CTNNA3: variants seen among roughly 807,000 people sequenced by gnomAD.
The protein encoded by CTNNA3 is catenin alpha 3.
A neutral mutation model predicts 95.7 loss-of-function variants in CTNNA3; 76 were observed. The ratio of observed to expected loss-of-function variants is 0.79; its 90% CI spans 0.66 to 0.96. The LOEUF (loss-of-function observed/expected upper bound fraction) is 0.96, where lower values mean the gene tolerates loss of function less well. CTNNA3 is among the 40% of genes least tolerant of loss of function. CTNNA3 has a pLI of 0.00. For missense variants in CTNNA3, 1,191 were observed against 1,089.8 expected, an observed-to-expected ratio of 1.09 and a Z score of -1.31; for synonymous variants, 431 against 374.4, an observed-to-expected ratio of 1.15 and a Z score of -1.74.
intron 7 of CTNNA3, among the ~76,000 whole-genome samples, chr10:67,052,393 C>T (rs1855166463): frequency 6.7e-6 from 1 of 150,118 alleles, no homozygotes; most frequent in South Asian, 2.1e-4. Context: ...ACTGTCTATT[C>T]CATGGGCTTC....
At chr10:67,427,120 G>T (rs78192852) in intron 5 of CTNNA3, among the ~76,000 whole-genome samples, 4,210 of 152,036 alleles carry the variant, frequency 0.028, 85 homozygotes, top group Non-Finnish European at 0.04. Flanking sequence ...GATTCTATCT[G>T]ATTCTTTATG....
intron 13 of CTNNA3, among the ~76,000 whole-genome samples, chr10:66,109,532 G>A (rs112463541): frequency 1.3e-5 from 2 of 152,176 alleles, no homozygotes; most frequent in Non-Finnish European, 2.9e-5. Context: ...ACCCACTTGA[G>A]AACCATTGCT....
intron 13 of CTNNA3, among the ~76,000 whole-genome samples, chr10:66,169,191 C>T (rs888485947): frequency 1.9e-4 from 29 of 152,088 alleles, no homozygotes; most frequent in African/African-American, 7.0e-4. Context: ...TTCCCTTTAC[C>T]CCCAAGTCCC....
intron 7 of CTNNA3, among the ~76,000 whole-genome samples, chr10:66,950,620 A>T (rs1280844519): frequency 2.0e-5 from 3 of 152,140 alleles, no homozygotes; most frequent in Non-Finnish European, 4.4e-5. Context: ...TACCATTTTC[A>T]GTTATGTGAA....
At chr10:66,767,671 T>C (rs1438722124) in intron 8 of CTNNA3, among the ~76,000 whole-genome samples, 2 of 152,144 alleles carry the variant, frequency 1.3e-5, no homozygotes. Context: ...AGTTTAGTTT[T>C]AGATTACTTG....
intron 7 of CTNNA3, among the ~76,000 whole-genome samples, chr10:66,941,973 C>T (rs772829088): frequency 1.3e-5 from 2 of 152,072 alleles, no homozygotes; most frequent in African/African-American, 2.4e-5. Flanking sequence ...GGAGGGAGAT[C>T]GTAGACTTCG....
At chr10:66,210,787 C>A (rs1026960103) in intron 13 of CTNNA3, among the ~76,000 whole-genome samples, 1 of 152,112 alleles carries the variant, frequency 6.6e-6, no homozygotes, top group Non-Finnish European at 1.5e-5. Flanking sequence ...ATAAAGTTTA[C>A]AAAATAATTC....
chr10:65,998,553 C>A (rs1350630089), intron 15 of CTNNA3, among the ~76,000 whole-genome samples: 1 of 152,062 alleles, frequency 6.6e-6, no homozygotes, highest in African/African-American at 2.4e-5. Flanking sequence ...CCTGAAGAAA[C>A]AGCTCACTAA....
intron 13 of CTNNA3, among the ~76,000 whole-genome samples, chr10:66,125,190 G>A (rs946127910): frequency 2.6e-5 from 4 of 152,048 alleles, no homozygotes; most frequent in African/African-American, 9.7e-5. Context: ...AGCACTAAAT[G>A]AAGGTAAAAT....
chr10:66,934,113 A>G (rs1462801282), intron 7 of CTNNA3, among the ~76,000 whole-genome samples: 1 of 152,182 alleles, frequency 6.6e-6, no homozygotes, highest in Non-Finnish European at 1.5e-5. Context: ...CCAAGCAAGT[A>G]CAATGTATTT....
intron 7 of CTNNA3, among the ~76,000 whole-genome samples, chr10:66,814,053 G>T (rs1196898609): frequency 6.6e-6 from 1 of 152,038 alleles, no homozygotes; most frequent in Non-Finnish European, 1.5e-5. Flanking sequence ...ATTAGATGGG[G>T]AAAATTCTCA....
intron 9 of CTNNA3, among the ~76,000 whole-genome samples, chr10:66,694,148 C>T (rs1258173360): frequency 4.6e-5 from 7 of 152,004 alleles, no homozygotes; most frequent in African/African-American, 1.7e-4. Flanking sequence ...ACAAAGTACC[C>T]TTCAAAAAAT....
At chr10:66,123,633 C>A (rs551512449) in intron 13 of CTNNA3, among the ~76,000 whole-genome samples, 2 of 152,308 alleles carry the variant, frequency 1.3e-5, no homozygotes, top group African/African-American at 4.8e-5. Flanking sequence ...TCCATGGGAT[C>A]CCCACCCTGC....
chr10:66,692,836 C>A (rs1847603800), intron 9 of CTNNA3, among the ~76,000 whole-genome samples: 2 of 152,088 alleles, frequency 1.3e-5, no homozygotes, highest in African/African-American at 4.8e-5. Context: ...GGATTTTCAA[C>A]CCAGAATTTC....
intron 7 of CTNNA3, among the ~76,000 whole-genome samples, chr10:66,991,893 G>T (rs1851060413): frequency 6.6e-6 from 1 of 151,930 alleles, no homozygotes; most frequent in Admixed American, 6.6e-5. Context: ...TCTCATTCTA[G>T]AAAAGAAGGC....
intron 7 of CTNNA3, among the ~76,000 whole-genome samples, chr10:67,131,817 T>C (rs1832678193): frequency 6.6e-6 from 1 of 151,996 alleles, no homozygotes; most frequent in South Asian, 2.1e-4. Flanking sequence ...CCAGGTTAAA[T>C]GAGAATAAGT....
intron 1 of CTNNA3, among the ~76,000 whole-genome samples, chr10:67,757,579 C>G (rs980396604): frequency 6.6e-6 from 1 of 152,190 alleles, no homozygotes; most frequent in African/African-American, 2.4e-5. Flanking sequence ...TTTCATCTTT[C>G]TCCTGTGGTG....
At chr10:67,577,601 C>G (rs1589445824) in intron 3 of CTNNA3, among the ~76,000 whole-genome samples, 2 of 151,612 alleles carry the variant, frequency 1.3e-5, no homozygotes, top group Admixed American at 6.6e-5. Flanking sequence ...AACACCCATG[C>G]CTATGTCCTG....
intron 14 of CTNNA3, among the ~76,000 whole-genome samples, chr10:66,102,758 G>T (rs548772912): frequency 4.6e-5 from 7 of 152,048 alleles, no homozygotes; most frequent in African/African-American, 1.7e-4. Context: ...CACAGGAGAA[G>T]TTATTGTAGA....
Sources: gnomAD v4.1 joint callset for allele counts (sites outside exome capture counted in the v4.1 genomes callset) on GRCh38, gnomAD v4.1.1 for gene constraint, MANE v1.5 for transcripts, NCBI Gene and HGNC (gene_info 2026-07-23, HGNC 2026-07-21) for gene names.